Variants in PTPRT observed in about 807,000 individuals in gnomAD.
The protein encoded by PTPRT is protein tyrosine phosphatase receptor type T.
PTPRT carries 56 observed loss-of-function variants against 176.8 expected under a neutral mutation model. The ratio of observed to expected loss-of-function variants is 0.32; its 90% CI spans 0.26 to 0.40. The LOEUF is 0.40. PTPRT is among the 10% of genes least tolerant of loss of function. The pLI, the probability that PTPRT is intolerant of heterozygous loss-of-function variation, is 1.00. For synonymous variants in PTPRT, 783 were observed against 739.0 expected (o/e 1.06, Z -0.96); for missense variants, 1,540 against 1,908.2 (o/e 0.81, Z 3.60).
chr20:42,607,779 A>G (rs867986545), intron 7 of PTPRT, among the ~76,000 whole-genome samples: 2 of 152,146 alleles, frequency 1.3e-5, no homozygotes, highest in Non-Finnish European at 2.9e-5. Context: ...AGCCTGAATG[A>G]GCAGGCAGAG....
At chr20:42,174,734 G>A (rs544766307) in intron 16 of PTPRT, among the ~76,000 whole-genome samples, 5 of 152,274 alleles carry the variant, frequency 3.3e-5, no homozygotes, top group South Asian at 2.1e-4. Flanking sequence ...GGTCTAACAC[G>A]TACAGACTTT....
chr20:42,080,807 A>G lies in PTPRT; in HGVS notation c.*72T>C. 1 of 1,456,290 alleles carries G rather than the reference A, an allele frequency of 6.9e-7. No homozygotes were observed. Among genetic ancestry groups the G allele is most frequent in the Non-Finnish European group, 9.6e-7 (1 of 1,041,096 alleles). The allele number at this position is 1,456,290 out of a possible 1,614,324, so 90.2% of individuals were successfully genotyped here. On this transcript the variant is annotated 3_prime_UTR_variant, in exon 31 of 31. Coordinates refer to ENST00000373187, the MANE Select transcript of PTPRT (RefSeq NM_007050.6). Reference sequence around the variant, plus strand: ...CACCTCAGAGCTCCTGAGCCCAGTTACTGCCATTCACACAAAAGGGGGCTT... The same window carrying G: ...CACCTCAGAGCTCCTGAGCCCAGTTGCTGCCATTCACACAAAAGGGGGCTT...
rs3092107 is a variant in PTPRT, at chr20:42,657,924, CTTT to C, written c.1153+19939_1153+19941del. 1.7e-4 allele frequency among the ~76,000 whole-genome samples: 24 copies of C among 141,564 alleles called. No homozygotes were observed. The South Asian group carries it at 3.6e-3, about 21-fold the overall frequency. The allele number at this position is 141,564 out of a possible 152,430, so 92.9% of individuals were successfully genotyped here. The stretch of plus-strand genomic sequence containing the variant: ...ATTTTTACATCTCTGTGAGGTTTAC[CTTT>C]TTTTTTTTTTTTACCTTTTCTTAAG... On this transcript the variant is annotated intron_variant, in intron 7 of 30. Coordinates refer to ENST00000373187, the MANE Select transcript of PTPRT (RefSeq NM_007050.6).
chr20:42,718,971 A>G (rs1357028937), intron 6 of PTPRT, among the ~76,000 whole-genome samples: 3 of 152,230 alleles, frequency 2.0e-5, no homozygotes, highest in African/African-American at 7.2e-5. Context: ...TTCAGGAGCT[A>G]AGTTGGTGGG....
intron 6 of PTPRT, chr20:42,688,673 G>A (rs2075741612): frequency 6.6e-6 from 1 of 152,206 alleles, no homozygotes; most frequent in Non-Finnish European, 1.5e-5. Flanking sequence ...CCAAGGTCAT[G>A]TGGCTAATTA....
intron 17 of PTPRT, among the ~76,000 whole-genome samples, chr20:42,148,595 T>C (rs989213974): frequency 2.0e-5 from 3 of 152,036 alleles, no homozygotes; most frequent in East Asian, 1.9e-4. Context: ...AGGGGAGATC[T>C]GAGAGGGAGA....
At position 42,540,902 on chromosome 20, in the gene PTPRT, G is replaced by T. The variant is rs137941621; in HGVS notation, c.1154-68340C>A. Among the ~76,000 whole-genome samples the T allele has an allele frequency of 9.2e-5, 14 of 152,224 alleles. No homozygotes were observed. The East Asian group carries it at 2.7e-3, about 29-fold the overall frequency. ...GGAAGGGATGCCTGTATGAGTGATG[G>T]GTGGGGAGTACAGGGAAAGCAAAAC... On this transcript the variant is annotated intron_variant, in intron 7 of 30. Transcript: ENST00000373187.
At chr20:42,878,703 T>C (rs2078970495) in intron 2 of PTPRT, among the ~76,000 whole-genome samples, 1 of 151,792 alleles carries the variant, frequency 6.6e-6, no homozygotes, top group African/African-American at 2.4e-5. Context: ...TTAGTTAGAG[T>C]GGACAAGTAG....
chr20:42,803,667 C>A (rs1185766396), intron 2 of PTPRT, among the ~76,000 whole-genome samples: 1 of 152,218 alleles, frequency 6.6e-6, no homozygotes, highest in Non-Finnish European at 1.5e-5. Context: ...AATTCTCCTG[C>A]CTAAGCCTCC....
chr20:42,311,639 A>G (rs188223558), intron 12 of PTPRT, among the ~76,000 whole-genome samples: 1 of 152,092 alleles, frequency 6.6e-6, no homozygotes, highest in East Asian at 1.9e-4. Context: ...TTTTTCTTTG[A>G]CCTAAGCTGT....
chr20:43,116,368 C>G (rs1389638669), intron 1 of PTPRT, among the ~76,000 whole-genome samples: 1 of 152,144 alleles, frequency 6.6e-6, no homozygotes, highest in African/African-American at 2.4e-5. Flanking sequence ...ATCAGGCAAG[C>G]AAAACACCCA....
chr20:43,066,584 C>A (rs968963135), intron 1 of PTPRT, among the ~76,000 whole-genome samples: 1 of 152,180 alleles, frequency 6.6e-6, no homozygotes, highest in Non-Finnish European at 1.5e-5. Context: ...CCTGTGTATT[C>A]CAACCGAATT....
chr20:42,571,340 G>A (rs955367960), intron 7 of PTPRT, among the ~76,000 whole-genome samples: 3 of 152,164 alleles, frequency 2.0e-5, no homozygotes, highest in Non-Finnish European at 2.9e-5. Flanking sequence ...TGCATTGCTC[G>A]AGGAAGAGGC....
chr20:42,731,942 CT>C (rs1468694900), intron 6 of PTPRT, among the ~76,000 whole-genome samples: 1 of 152,190 alleles, frequency 6.6e-6, no homozygotes. Context: ...CCAAATGTCT[CT>C]TCCTCCAAGA....
Position 42,956,104 on chromosome 20 carries a change from A to T in PTPRT, c.89-70172T>A, listed in dbSNP as rs564582020. Among the ~76,000 whole-genome samples the T allele has an allele frequency of 2.0e-5, 3 of 152,170 alleles. No individual in the cohort carries two copies. The East Asian group carries it at 5.8e-4, about 29-fold the overall frequency. ...CTCTATTGCATGTACAGGTTGTGACACTCAAGCTCCTCCATGCAGTCGTTG... is the reference window on the plus strand; with the variant it reads ...CTCTATTGCATGTACAGGTTGTGACTCTCAAGCTCCTCCATGCAGTCGTTG... On this transcript the variant is annotated intron_variant, in intron 1 of 30. Transcript: ENST00000373187.
At position 42,074,942 on chromosome 20, in the gene PTPRT, G is replaced by C. The variant is rs1310488742; in HGVS notation, c.*5937C>G. On this transcript the variant is annotated 3_prime_UTR_variant, in exon 31 of 31. Coordinates refer to ENST00000373187, the MANE Select transcript of PTPRT (RefSeq NM_007050.6). ...TTAGATATCTCTGCTGTGCTTCGGAGGATCAGATCCATGATCCTGAAAAAT... is the reference window on the plus strand; with the variant it reads ...TTAGATATCTCTGCTGTGCTTCGGACGATCAGATCCATGATCCTGAAAAAT... The C allele has an allele frequency of 2.5e-6, 1 of 397,454 alleles. No individual in the cohort carries two copies. Among genetic ancestry groups the C allele is most frequent in the African/African-American group, 2.1e-5 (1 of 48,692 alleles). 24.6% of individuals were successfully genotyped at this position (397,454 alleles called of 1,614,324 possible). A position where few individuals can be genotyped will look rare whatever the true frequency, so the allele number is the denominator to read the frequency against.
At chr20:42,604,369 TG>T (rs1384163859) in intron 7 of PTPRT, among the ~76,000 whole-genome samples, 2 of 152,196 alleles carry the variant, frequency 1.3e-5, no homozygotes, top group African/African-American at 4.8e-5. Context: ...CATGAGATGG[TG>T]GGGCCATGCG....
chr20:42,365,036 A>T (rs976199321), intron 9 of PTPRT, among the ~76,000 whole-genome samples: 1 of 152,252 alleles, frequency 6.6e-6, no homozygotes, highest in Non-Finnish European at 1.5e-5. Flanking sequence ...TAGGAGCCAC[A>T]TGGGGAAAAA....
chr20:42,355,215 C>G (rs2058342530), intron 9 of PTPRT, among the ~76,000 whole-genome samples: 1 of 152,150 alleles, frequency 6.6e-6, no homozygotes, highest in South Asian at 2.1e-4. Context: ...GCTCCCCCTC[C>G]TTGGTATTCC....
Sources: gnomAD v4.1 joint callset for allele counts (sites outside exome capture counted in the v4.1 genomes callset) on GRCh38, gnomAD v4.1.1 for gene constraint, MANE v1.5 for transcripts, NCBI Gene and HGNC (gene_info 2026-07-23, HGNC 2026-07-21) for gene names.